Variants in CLCN5 observed in about 807,000 individuals in gnomAD.
The protein encoded by CLCN5 is H(+)/Cl(-) exchange transporter 5.
A neutral mutation model predicts 54.0 loss-of-function variants in CLCN5; 17 were observed. The observed-to-expected ratio is 0.31, with a 90% CI of 0.22 to 0.47. The LOEUF (loss-of-function observed/expected upper bound fraction) is 0.47. Among genes scored for constraint, CLCN5 ranks in the 20% least tolerant of loss-of-function variants. CLCN5 has a pLI of 1.00. For synonymous variants in CLCN5, 222 were observed against 233.0 expected (o/e 0.95, Z 0.43); for missense variants, 448 against 646.7 (o/e 0.69, Z 3.33).
At chrX:49,980,271 T>A (rs1928671538) in intron 3 of CLCN5, among the ~76,000 whole-genome samples, 1 of 111,287 alleles carries the variant, frequency 9.0e-6, no homozygotes, top group Non-Finnish European at 1.9e-5. Context: ...ATATTGGCTT[T>A]AGTGAAGCAA....
In CLCN5 at chrX:50,057,721, C is replaced by T. The variant is rs1252866000; in HGVS notation, c.164-12158C>T. ...AGTTTCTTAGATGGGAGGGCTACTCCAACTACATTTGCTTCTTGGCCACTG... is the reference window on the plus strand; with the variant it reads ...AGTTTCTTAGATGGGAGGGCTACTCTAACTACATTTGCTTCTTGGCCACTG... On this transcript the variant is annotated intron_variant, in intron 4 of 14. Coordinates refer to ENST00000376091, the MANE Select transcript of CLCN5 (RefSeq NM_001127898.4). 4.7e-5 allele frequency among the ~76,000 whole-genome samples: 5 copies of T among 105,621 alleles called. No homozygotes were observed. In the Admixed American group the frequency reaches 5.0e-4, roughly 11 times the overall value. 91.7% of individuals were successfully genotyped at this position (105,621 alleles called of 115,157 possible).
chrX:50,075,723 A>G, intron 6 of CLCN5, 72 bp from the exon 7 acceptor site: 1 of 967,789 alleles, frequency 1.0e-6, no homozygotes, highest in East Asian at 3.1e-5. Flanking sequence ...GACAAAGCTT[A>G]TTCTGATGAC....
intron 3 of CLCN5, among the ~76,000 whole-genome samples, chrX:50,034,036 C>G (rs1417781310): frequency 8.9e-6 from 1 of 112,183 alleles, no homozygotes; most frequent in Non-Finnish European, 1.9e-5. Flanking sequence ...GAAATTCTAA[C>G]AGGTGGAGAA....
chrX:49,971,777 C>T (rs940781800), intron 3 of CLCN5, among the ~76,000 whole-genome samples: 1 of 111,820 alleles, frequency 8.9e-6, no homozygotes, highest in Non-Finnish European at 1.9e-5. Context: ...CTCTACTGTT[C>T]GTGCTAAGAT....
chrX:49,930,417 G>C (rs1440332608), intron 3 of CLCN5, among the ~76,000 whole-genome samples: 1 of 112,265 alleles, frequency 8.9e-6, no homozygotes, highest in East Asian at 2.8e-4. Flanking sequence ...ATTAATTGCA[G>C]CATTTTCTAT....
intron 4 of CLCN5, among the ~76,000 whole-genome samples, chrX:50,052,201 T>C (rs1194358231): frequency 7.1e-5 from 8 of 112,043 alleles, no homozygotes; most frequent in African/African-American, 2.6e-4. Context: ...GAGGAAATTA[T>C]ACTTTATTCC....
chrX:50,069,733 T>A, intron 4 of CLCN5, 146 bp from the exon 5 acceptor site: 1 of 1,063,287 alleles, frequency 9.4e-7, no homozygotes, highest in Non-Finnish European at 1.2e-6. Flanking sequence ...ATGTAATGGA[T>A]GTTCCTACCA....
chrX:49,998,788 C>A (rs181547679), intron 3 of CLCN5, among the ~76,000 whole-genome samples: 2 of 110,951 alleles, frequency 1.8e-5, no homozygotes, highest in Admixed American at 1.9e-4. Context: ...GGAGAGCAAG[C>A]CATCTTGCCT....
At chrX:50,080,263 A>G (rs1193658603) in intron 7 of CLCN5, among the ~76,000 whole-genome samples, 1 of 111,269 alleles carries the variant, frequency 9.0e-6, no homozygotes, top group Admixed American at 9.6e-5. Flanking sequence ...AATGACATGG[A>G]ATCATATATA....
rs1183495910 is a variant in CLCN5, at chrX:49,966,612, A to AT, written c.16+41305dup. Among the ~76,000 whole-genome samples the AT allele has an allele frequency of 0.021, 397 of 19,048 alleles. 45 individuals are homozygous for AT. In the Admixed American group the frequency reaches 0.22, roughly 11 times the overall value. The allele number at this position is 19,048 out of a possible 115,157, so 16.5% of individuals were successfully genotyped here. ...ATCTTTTTTTTTTTTTTTTTTTTTT[A>AT]TTTTTTTATTTTTTTTATTATACTC... On this transcript the variant is annotated intron_variant, in intron 3 of 14. Coordinates refer to ENST00000376091, the MANE Select transcript of CLCN5 (RefSeq NM_001127898.4).
chrX:50,038,477 C>G (rs1434223924), intron 3 of CLCN5, among the ~76,000 whole-genome samples: 18 of 111,474 alleles, frequency 1.6e-4, no homozygotes, highest in African/African-American at 5.2e-4. Flanking sequence ...TGTCACTTCT[C>G]TGATATTATT....
At chrX:49,952,641 A>G (rs1438551913) in intron 3 of CLCN5, among the ~76,000 whole-genome samples, 1 of 111,583 alleles carries the variant, frequency 9.0e-6, no homozygotes, top group Non-Finnish European at 1.9e-5. Flanking sequence ...CTAAAATGTT[A>G]AAGCTACAAA....
intron 11 of CLCN5, among the ~76,000 whole-genome samples, chrX:50,087,101 T>G (rs1441198960): frequency 9.0e-6 from 1 of 111,502 alleles, no homozygotes; most frequent in African/African-American, 3.3e-5. Context: ...CCAGCCTCAG[T>G]GATGAAATTT....
At chrX:50,081,147 G>A (rs1288215523) in intron 8 of CLCN5, among the ~76,000 whole-genome samples, 1 of 111,534 alleles carries the variant, frequency 9.0e-6, no homozygotes, top group Non-Finnish European at 1.9e-5. Flanking sequence ...GCTTGACAGT[G>A]ACTAAAGACA....
intron 1 of CLCN5, among the ~76,000 whole-genome samples, chrX:49,923,112 GT>G (rs782633963): frequency 8.8e-6 from 1 of 113,391 alleles, no homozygotes; most frequent in Non-Finnish European, 1.9e-5. Context: ...GAATCGGAGT[GT>G]TTAGCCGCCT....
At position 50,080,047 on chromosome X, in the gene CLCN5, A is replaced by G. The variant is rs1933620985; in HGVS notation, c.604-547A>G. Among the ~76,000 whole-genome samples, 3 of 111,661 alleles carry G rather than the reference A, an allele frequency of 2.7e-5. No individual in the cohort carries two copies. In the South Asian group the frequency reaches 1.1e-3, roughly 42 times the overall value. ...TAAAACATCATGTTGTACACCTTAAATACATACAATAAAAAAATTTTAAAA... is the reference window on the plus strand; with the variant it reads ...TAAAACATCATGTTGTACACCTTAAGTACATACAATAAAAAAATTTTAAAA... On this transcript the variant is annotated intron_variant, in intron 7 of 14. Coordinates refer to ENST00000376091, the MANE Select transcript of CLCN5 (RefSeq NM_001127898.4).
At chrX:49,948,160 CTT>C (rs78984984) in intron 3 of CLCN5, among the ~76,000 whole-genome samples, 8 of 98,200 alleles carry the variant, frequency 8.1e-5, no homozygotes, top group Admixed American at 1.1e-4. Context: ...CTGGCTTCAC[CTT>C]TTTTTTTTTT....
At chrX:50,056,451 C>G (rs1462290377) in intron 4 of CLCN5, among the ~76,000 whole-genome samples, 1 of 111,409 alleles carries the variant, frequency 9.0e-6, no homozygotes, top group African/African-American at 3.3e-5. Context: ...GGGAGTGGGG[C>G]GCTGTTTACT....
intron 4 of CLCN5, among the ~76,000 whole-genome samples, chrX:50,064,810 G>T (rs1932939330): frequency 9.9e-6 from 1 of 100,645 alleles, no homozygotes; most frequent in African/African-American, 3.9e-5. Flanking sequence ...TACCAAAACA[G>T]AGATATAGAT....
Sources: gnomAD v4.1 joint callset for allele counts (sites outside exome capture counted in the v4.1 genomes callset) on GRCh38, gnomAD v4.1.1 for gene constraint, MANE v1.5 for transcripts, NCBI Gene and HGNC (gene_info 2026-07-23, HGNC 2026-07-21) for gene names.